Variants in NELFA observed in about 807,000 individuals in gnomAD.
NELFA encodes negative elongation factor A.
In NELFA, 35 loss-of-function variants were observed where a neutral mutation model predicts 51.8. That is an observed-to-expected ratio of 0.68 (90% confidence interval 0.52 to 0.90). The LOEUF (loss-of-function observed/expected upper bound fraction) is 0.90. NELFA is among the 40% of genes least tolerant of loss of function. The pLI is 0.00. For synonymous variants in NELFA, 417 were observed against 338.4 expected, an observed-to-expected ratio of 1.23 and a Z score of -2.55; for missense variants, 658 against 746.4, an observed-to-expected ratio of 0.88 and a Z score of 1.38.
chr4:1,999,626 C>A (rs536181892), intron 1 of NELFA, among the ~76,000 whole-genome samples: 1 of 152,238 alleles, frequency 6.6e-6, no homozygotes, highest in South Asian at 2.1e-4. Flanking sequence ...TACAGGAGCA[C>A]CCAGATTCAT....
chr4:1,985,765 C>G lies in NELFA; in HGVS notation c.924+11G>C. On this transcript the variant is annotated intron_variant, in intron 7 of 10. Coordinates refer to ENST00000382882, the MANE Select transcript of NELFA (RefSeq NM_005663.5). ...GTGGTGCCAGACATGGGGTGCAGCC[C>G]CGAGCCCTACCTGCGTGGACACCAG... The G allele has an allele frequency of 6.2e-7, 1 of 1,612,072 alleles. No individual in the cohort carries two copies. Among genetic ancestry groups the G allele is most frequent in the Non-Finnish European group, 8.5e-7 (1 of 1,179,192 alleles).
Position 1,983,620 on chromosome 4 carries a change from G to A in NELFA, c.1378C>T (p.Leu460=), listed in dbSNP as rs766005145. Residue 460 remains leucine (L), a synonymous_variant, in exon 10 of 11, where the codon CTG becomes TTG. Transcript: ENST00000382882. The part of the protein sequence containing the change: ...KVTRPEKALI[L]GFMAGSRENP... ...CCTCGGGAGCCGGCCATGAAGCCCA[G>A]GATGAGGGCCTTCTCGGGCCGCGTG... is the stretch of plus-strand genomic sequence containing the variant. 6 of 1,613,956 alleles carry A rather than the reference G, an allele frequency of 3.7e-6. No homozygotes were observed. The African/African-American group carries it at 8.0e-5, about 22-fold the overall frequency.
chr4:2,007,381 C>A (rs1728736282), intron 1 of NELFA, among the ~76,000 whole-genome samples: 1 of 152,264 alleles, frequency 6.6e-6, no homozygotes, highest in East Asian at 1.9e-4. Context: ...AAAAGCTAAG[C>A]GTGTCACTGT....
rs527808662 is a variant in NELFA at position 1,994,261 on chromosome 4, T to C, written c.211-2546A>G. Among the ~76,000 whole-genome samples, 255 of 152,062 alleles carry C rather than the reference T, an allele frequency of 1.7e-3. 1 individual carries two copies. Among genetic ancestry groups the C allele is most frequent in the Non-Finnish European group, 2.7e-3 (184 of 67,992 alleles). ...GCCTGAGCAACAGAGCAAGATTTCA[T>C]TTCTTAAAAAAATTAAAAATTGGCT... On this transcript the variant is annotated intron_variant, in intron 1 of 10. Coordinates refer to ENST00000382882, the MANE Select transcript of NELFA (RefSeq NM_005663.5).
rs551657747 is a variant in NELFA, at chr4:1,988,886, C to G, written c.544+822G>C. Among the ~76,000 whole-genome samples, 9 of 151,844 alleles carry G rather than the reference C, an allele frequency of 5.9e-5. No individual in the cohort carries two copies. In the East Asian group the frequency reaches 1.5e-3, roughly 26 times the overall value. ...GCCCAACAGCGTGACTCAGCTGGCA[C>G]AGAGTTCATTTGGTCACAGAGATTA... On this transcript the variant is annotated intron_variant, in intron 3 of 10. Transcript: ENST00000382882.
At position 1,985,903 on chromosome 4, in the gene NELFA, C is replaced by T. The variant is rs199619746; in HGVS notation, c.836-39G>A. On this transcript the variant is annotated intron_variant, in intron 6 of 10. Coordinates refer to ENST00000382882, the MANE Select transcript of NELFA (RefSeq NM_005663.5). ...AGGAGTCCTCGCCAGTGCCCGGGCG[C>T]GTCTGCAGTGTCAGCTCAGGGCAGC... 3.1e-4 allele frequency: 480 copies of T among 1,539,720 alleles called. 1 individual carries two copies. In the African/African-American group the frequency reaches 5.5e-3, roughly 18 times the overall value.
intron 4 of NELFA, 121 bp downstream of exon 4, chr4:1,987,797 C>T (rs1241671415): frequency 1.2e-6 from 1 of 852,224 alleles, no homozygotes; most frequent in Non-Finnish European, 1.8e-6. Flanking sequence ...CACGGGCTCC[C>T]AACACTGCTG....
At chr4:2,000,415 G>C (rs1171526682) in intron 1 of NELFA, among the ~76,000 whole-genome samples, 1 of 151,850 alleles carries the variant, frequency 6.6e-6, no homozygotes. Flanking sequence ...ATAAAGAAGA[G>C]AGAGAAGAAT....
rs1293852915 is a variant in NELFA at position 1,983,937 on chromosome 4, G to C, written c.1213C>G (p.Pro405Ala). 1 of 1,611,064 alleles carries C rather than the reference G, an allele frequency of 6.2e-7. No individual in the cohort carries two copies. Among genetic ancestry groups the C allele is most frequent in the South Asian group, 1.1e-5 (1 of 90,748 alleles). The stretch of plus-strand genomic sequence containing the variant: ...GCAACCGGGGGTGTCTGAGTGGTAG[G>C]GGCGACAGCCGGAGGTGTGGTGGGT... ...LTPTTPPAVA[P>A]TTQTPPVAMV... The change falls in exon 9 of 11, where the codon CCT becomes GCT. Residue 405 changes from proline to alanine, a missense_variant. Physicochemically the swap from Pro to Ala is conservative, Grantham distance 27 (BLOSUM62 -1). Transcript: ENST00000382882.
chr4:1,993,795 CTTTT>C (rs1202916976), intron 1 of NELFA, among the ~76,000 whole-genome samples: 2 of 118,942 alleles, frequency 1.7e-5, no homozygotes, highest in Admixed American at 8.6e-5. Context: ...TCCCCTGGGC[CTTTT>C]TTTTTTTTTT....
chr4:1,990,385 C>G (rs965245452), intron 2 of NELFA: 2 of 456,724 alleles, frequency 4.4e-6, no homozygotes, highest in Non-Finnish European at 4.4e-6. Flanking sequence ...GAGGGACAGG[C>G]GACCTCCCAC....
chr4:1,985,750 A>G, intron 7 of NELFA, 26 bp downstream of exon 7: 1 of 1,605,052 alleles, frequency 6.2e-7, no homozygotes, highest in Non-Finnish European at 8.5e-7. Context: ...GTGGTGCCAG[A>G]CATGGGGTGC....
chr4:1,983,705 G>C lies in NELFA; in HGVS notation c.1303-10C>G. 1 of 1,612,976 alleles carries C rather than the reference G, an allele frequency of 6.2e-7. No individual in the cohort carries two copies. Among genetic ancestry groups the C allele is most frequent in the Non-Finnish European group, 8.5e-7 (1 of 1,179,206 alleles). The stretch of plus-strand genomic sequence containing the variant: ...CGAACATCTGCTCTCTCTACAGCGG[G>C]GAGAGGGGTGTGGGTGCCAGGGCCC... On this transcript the variant is annotated splice_polypyrimidine_tract_variant and intron_variant, in intron 9 of 10. Coordinates refer to ENST00000382882, the MANE Select transcript of NELFA (RefSeq NM_005663.5).
At chr4:2,008,695 T>C (rs1024897069) in intron 1 of NELFA, 55 bp downstream of exon 1, 71 of 1,547,750 alleles carry the variant, frequency 4.6e-5, no homozygotes, top group Non-Finnish European at 6.2e-5. Flanking sequence ...GGTGTGCGGG[T>C]CGGAGGTGGG....
chr4:1,985,713 A>G, intron 7 of NELFA, 63 bp downstream of exon 7: 1 of 1,322,708 alleles, frequency 7.6e-7, no homozygotes, highest in East Asian at 2.3e-5. Flanking sequence ...ACTAGTGGCC[A>G]CAATCGGAAC....
intron 1 of NELFA, 158 bp from the exon 2 acceptor site, chr4:1,991,873 C>T: frequency 1.4e-6 from 1 of 721,436 alleles, no homozygotes; most frequent in Non-Finnish European, 2.2e-6. Flanking sequence ...AGCCCCCCGC[C>T]TCACCCCAGG....
intron 1 of NELFA, among the ~76,000 whole-genome samples, chr4:2,002,065 T>C (rs1728585242): frequency 6.6e-6 from 1 of 151,690 alleles, no homozygotes; most frequent in South Asian, 2.1e-4. Flanking sequence ...CCAGGCATGG[T>C]GGCGGGCGCC....
At chr4:2,004,464 G>A (rs1259497839) in intron 1 of NELFA, among the ~76,000 whole-genome samples, 1 of 152,024 alleles carries the variant, frequency 6.6e-6, no homozygotes, top group Non-Finnish European at 1.5e-5. Flanking sequence ...TGAACTACCT[G>A]GCATAATTAT....
rs1209651315 is a variant in NELFA at position 1,989,898 on chromosome 4, G to A, written c.383-29C>T. The A allele has an allele frequency of 6.9e-6, 11 of 1,603,788 alleles. No individual in the cohort carries two copies. Among genetic ancestry groups the A allele is most frequent in the Middle Eastern group, 1.7e-4 (1 of 5,966 alleles). On this transcript the variant is annotated intron_variant, in intron 2 of 10. Transcript: ENST00000382882. The surrounding 1 kb of genome is among the most constrained non-coding windows in gnomAD (Gnocchi z 4.8). The stretch of plus-strand genomic sequence containing the variant: ...CCGGTAAGAACCACATGAAGTTAGG[G>A]GCGCCCAGGCCGCAGACCTCCCGGC...
Sources: allele counts gnomAD v4.1 joint callset (sites outside exome capture counted in the v4.1 genomes callset), GRCh38; gene constraint gnomAD v4.1.1; non-coding constraint Gnocchi (gnomAD v3.1); transcripts MANE v1.5; gene names NCBI Gene and HGNC (gene_info 2026-07-23, HGNC 2026-07-21).